The following CEP55 variants were observed in gnomAD, a reference collection of about 807,000 sequenced individuals.
The protein encoded by CEP55 is centrosomal protein 55.
In CEP55, 57 loss-of-function variants were observed where a neutral mutation model predicts 63.2. The observed-to-expected ratio is 0.90, with a 90% CI of 0.73 to 1.13. The LOEUF (loss-of-function observed/expected upper bound fraction) is 1.13, where lower values mean the gene tolerates loss of function less well. CEP55 is among the 50% of genes most tolerant of loss of function. The pLI, the probability that CEP55 is intolerant of heterozygous loss-of-function variation, is 0.00. For synonymous variants in CEP55, 178 were observed against 191.6 expected, an observed-to-expected ratio of 0.93 and a Z score of 0.59; for missense variants, 456 against 518.9, an observed-to-expected ratio of 0.88 and a Z score of 1.18.
intron 8 of CEP55, among the ~76,000 whole-genome samples, chr10:93,523,263 A>G (rs1163461492): frequency 1.3e-5 from 2 of 152,326 alleles, no homozygotes; most frequent in South Asian, 4.1e-4. Flanking sequence ...GCAAATAGAA[A>G]ACAAAAAAAG....
At chr10:93,517,277 G>C in intron 6 of CEP55, 29 bp downstream of exon 6, 1 of 1,539,212 alleles carries the variant, frequency 6.5e-7, no homozygotes, top group Non-Finnish European at 8.8e-7. Context: ...ATAATTCAGA[G>C]TGTTCACCGA....
At chr10:93,504,373 T>C (rs1427468828) in intron 3 of CEP55, among the ~76,000 whole-genome samples, 1 of 151,954 alleles carries the variant, frequency 6.6e-6, no homozygotes, top group Non-Finnish European at 1.5e-5. Flanking sequence ...TTCGGGAGGC[T>C]GAGGCACTAG....
At chr10:93,515,361 GTTTT>G (rs754650507) in intron 4 of CEP55, 40 bp from the exon 5 acceptor site, 3 of 1,547,514 alleles carry the variant, frequency 1.9e-6, no homozygotes. Flanking sequence ...TTAAGATTTT[GTTTT>G]TTTATTTTAC....
Position 93,503,376 on chromosome 10 carries a change from C to G in CEP55, c.447C>G (p.Leu149=), listed in dbSNP as rs1191262690. ...AACTTGAAAGCAAAACCAATACACT[C>G]CGTTTATCACAGGTGCTAATCATTT... ...IAELESKTNT[L]RLSQTVAPNC... is the part of the protein sequence containing the mutation. The change falls in exon 3 of 9, where the codon CTC becomes CTG. Residue 149 remains leucine (L), a synonymous_variant. Coordinates refer to ENST00000371485, the MANE Select transcript of CEP55 (RefSeq NM_018131.5). The G allele has an allele frequency of 6.2e-7, 1 of 1,612,130 alleles. No individual in the cohort carries two copies. Among genetic ancestry groups the G allele is most frequent in the African/African-American group, 1.3e-5 (1 of 74,842 alleles).
chr10:93,506,819 C>T (rs752617231), intron 3 of CEP55, among the ~76,000 whole-genome samples, 169 bp from the exon 4 acceptor site: 1 of 152,188 alleles, frequency 6.6e-6, no homozygotes, highest in Non-Finnish European at 1.5e-5. Context: ...AATGATCCAC[C>T]CTCCTTAACC....
intron 8 of CEP55, among the ~76,000 whole-genome samples, chr10:93,527,022 TG>T (rs759359404): frequency 1.3e-5 from 2 of 152,218 alleles, no homozygotes; most frequent in Admixed American, 6.5e-5. Flanking sequence ...ACATGGCACA[TG>T]TATACATATG....
chr10:93,497,718 G>A, intron 1 of CEP55, among the ~76,000 whole-genome samples: 1 of 152,144 alleles, frequency 6.6e-6, no homozygotes, highest in Non-Finnish European at 1.5e-5. Context: ...AGATTGTGTA[G>A]GGGTGGGGGT....
At position 93,528,079 on chromosome 10, in the gene CEP55, C is replaced by T. The variant is rs372414634; in HGVS notation, c.1321C>T (p.Pro441Ser). 2 of 1,614,014 alleles carry T rather than the reference C, an allele frequency of 1.2e-6. No individual in the cohort carries two copies. Among genetic ancestry groups the T allele is most frequent in the Non-Finnish European group, 8.5e-7 (1 of 1,179,976 alleles). The change falls in exon 9 of 9, where the codon CCC becomes TCC. Residue 441 changes from proline (P) to serine (S), a missense_variant. Pro to Ser is a moderately conservative substitution (Grantham distance 74). Coordinates refer to ENST00000371485, the MANE Select transcript of CEP55 (RefSeq NM_018131.5). ...ACTCAATGAAAGCCTGGTGGAATGT[C>T]CCAAGTGCAATATACAGTATCCAGC... ...AALNESLVEC[P>S]KCNIQYPATE...
intron 1 of CEP55, among the ~76,000 whole-genome samples, chr10:93,498,103 C>G (rs538095064): frequency 7.3e-5 from 11 of 150,666 alleles, no homozygotes; most frequent in African/African-American, 2.7e-4. Context: ...GCCTGGGCGA[C>G]AGAGCGAGAC....
At chr10:93,512,417 G>T (rs1209535667) in intron 4 of CEP55, among the ~76,000 whole-genome samples, 6 of 150,932 alleles carry the variant, frequency 4.0e-5, no homozygotes, top group Non-Finnish European at 5.9e-5. Context: ...GGGAGGCTGA[G>T]GCAAGAGAAT....
chr10:93,517,344 C>T, intron 6 of CEP55, 96 bp downstream of exon 6: 1 of 893,558 alleles, frequency 1.1e-6, no homozygotes, highest in Non-Finnish European at 1.7e-6. Context: ...AGGGACAAAA[C>T]AAATTCCTGC....
At chr10:93,514,921 C>T (rs113192655) in intron 4 of CEP55, among the ~76,000 whole-genome samples, 2,240 of 152,234 alleles carry the variant, frequency 0.015, 61 homozygotes, top group African/African-American at 0.051. Flanking sequence ...TACAGGCACG[C>T]GCCACCATGC....
chr10:93,509,104 A>T (rs183677211), intron 4 of CEP55, among the ~76,000 whole-genome samples: 106 of 133,264 alleles, frequency 8.0e-4, no homozygotes, highest in African/African-American at 2.9e-3. Flanking sequence ...TTAAGCTTAC[A>T]TGTGCTTTTT....
At chr10:93,507,225 C>CTT (rs137998042) in intron 4 of CEP55, among the ~76,000 whole-genome samples, 169 bp downstream of exon 4, 5,095 of 134,492 alleles carry the variant, frequency 0.038, 153 homozygotes, top group Non-Finnish European at 0.049. Flanking sequence ...AGCATAGTCC[C>CTT]TTTTTTTTTT....
At chr10:93,511,392 A>G (rs1453341844) in intron 4 of CEP55, among the ~76,000 whole-genome samples, 1 of 152,202 alleles carries the variant, frequency 6.6e-6, no homozygotes, top group African/African-American at 2.4e-5. Context: ...ACTCAAAACT[A>G]ATACAATCAA....
intron 4 of CEP55, among the ~76,000 whole-genome samples, chr10:93,511,856 C>T (rs2057754006): frequency 6.6e-6 from 1 of 151,972 alleles, no homozygotes; most frequent in Non-Finnish European, 1.5e-5. Context: ...CCCGCCTCGG[C>T]CTCCCAAAGT....
chr10:93,517,166 T>C lies in CEP55; in HGVS notation c.911T>C (p.Ile304Thr), dbSNP rs750292754. The change falls in exon 6 of 9, where the codon ATA becomes ACA. Residue 304 changes from isoleucine to threonine, a missense_variant. Ile to Thr is a moderately conservative substitution (Grantham distance 89, BLOSUM62 -1). Coordinates refer to ENST00000371485, the MANE Select transcript of CEP55 (RefSeq NM_018131.5). ...LEDDRHKTEKIQKLREENDIA... is the reference protein window; with the variant it reads ...LEDDRHKTEKTQKLREENDIA... ...GATGATAGGCATAAAACAGAGAAGA[T>C]ACAAAAACTCAGGGAAGAGAATGAT... 6.2e-6 allele frequency: 10 copies of C among 1,613,506 alleles called. No individual in the cohort carries two copies. The highest frequency in any genetic ancestry group is 7.6e-6 in the Non-Finnish European group (9 of 1,179,838).
At chr10:93,517,302 T>G in intron 6 of CEP55, 54 bp downstream of exon 6, 1 of 1,430,132 alleles carries the variant, frequency 7.0e-7, no homozygotes, top group Non-Finnish European at 9.5e-7. Flanking sequence ...TTTCTAAGTG[T>G]CAGGGACTAT....
chr10:93,500,134 A>G lies in CEP55; in HGVS notation c.83A>G (p.Glu28Gly). Residue 28 changes from glutamate (E) to glycine (G), a missense_variant, in exon 2 of 9, where the codon GAA becomes GGA. Transcript: ENST00000371485. ...AACTCCAAATCCGAAACTACATTAG[A>G]AAAATTAAAGGGAGAAATTGCACAC... ...PSNSKSETTLEKLKGEIAHLK... is the reference protein window; with the variant it reads ...PSNSKSETTLGKLKGEIAHLK... 7 of 1,613,872 alleles carry G rather than the reference A, an allele frequency of 4.3e-6. No individual in the cohort carries two copies. The highest frequency in any genetic ancestry group is 5.1e-6 in the Non-Finnish European group (6 of 1,179,814).
Sources: allele counts gnomAD v4.1 joint callset (sites outside exome capture counted in the v4.1 genomes callset), GRCh38; gene constraint gnomAD v4.1.1; transcripts MANE v1.5; gene names NCBI Gene and HGNC (gene_info 2026-07-23, HGNC 2026-07-21).